The following NEIL1 variants were observed in gnomAD, a reference collection of about 807,000 sequenced individuals.
NEIL1 encodes nei like DNA glycosylase 1, also known as endonuclease 8-like 1.
NEIL1 carries 31 observed loss-of-function variants against 44.2 expected under a neutral mutation model. That is an observed-to-expected ratio of 0.70 (90% CI 0.53 to 0.95). The LOEUF (loss-of-function observed/expected upper bound fraction) is 0.95. Ranked by LOEUF, NEIL1 falls within the 40% of genes least tolerant of loss-of-function variation. The pLI, the probability that NEIL1 is intolerant of heterozygous loss-of-function variation, is 0.00. For synonymous variants in NEIL1, 254 were observed against 209.7 expected (o/e 1.21, Z -1.83); for missense variants, 549 against 515.5 (o/e 1.07, Z -0.63).
rs770915774 is a variant in NEIL1, at chr15:75,356,126, C to A, written c.*1092C>A. 6.2e-7 allele frequency: 1 copy of A among 1,613,680 alleles called. No individual in the cohort carries two copies. The highest frequency in any genetic ancestry group is 1.3e-5 in the African/African-American group (1 of 74,926). ...GCCACTCACAGGATGGCCTCCTGAA[C>A]CGGCAGCGACAAGTGCAGCCAGCAG... is the stretch of plus-strand genomic sequence containing the variant. On this transcript the variant is annotated 3_prime_UTR_variant, in exon 10 of 10. Transcript: ENST00000355059. This position sits in a 1 kb window ranked among gnomAD's most constrained non-coding sequence, Gnocchi z 5.8.
chr15:75,351,436 C>T, intron 2 of NEIL1: 2 of 356,832 alleles, frequency 5.6e-6, no homozygotes, highest in East Asian at 7.8e-5. Flanking sequence ...TCACTAAGCC[C>T]CTGGCTACTT....
intron 5 of NEIL1, chr15:75,353,077 GT>G (rs1432171829): frequency 4.8e-6 from 1 of 207,622 alleles, no homozygotes; most frequent in Non-Finnish European, 9.9e-6. Flanking sequence ...GGAGGTGGAG[GT>G]TGCAGTTGAG....
rs367645979 is a variant in NEIL1 at position 75,356,709 on chromosome 15, G to C, written c.*1675G>C. 6.2e-7 allele frequency: 1 copy of C among 1,610,640 alleles called. No individual in the cohort carries two copies. Among genetic ancestry groups the C allele is most frequent in the South Asian group, 1.1e-5 (1 of 90,748 alleles). ...AGCTGGGGTGAGGAGGGCGCGTAGG[G>C]GCCACGCTGAAGCTGTTGGAGTTGT... On this transcript the variant is annotated 3_prime_UTR_variant, in exon 10 of 10. Transcript: ENST00000355059. This position sits in a 1 kb window ranked among gnomAD's most constrained non-coding sequence, Gnocchi z 5.8.
At position 75,355,180 on chromosome 15, in the gene NEIL1, C is replaced by G. The variant is rs1200418233; in HGVS notation, c.*146C>G. ...CACAACTCTCATGGTTTTAATTGTA[C>G]CCCATCTTCCACATCTTTAAAGCTC... On this transcript the variant is annotated 3_prime_UTR_variant, in exon 10 of 10. Coordinates refer to ENST00000355059, the MANE Select transcript of NEIL1 (RefSeq NM_024608.4). 2 of 641,514 alleles carry G rather than the reference C, an allele frequency of 3.1e-6. No individual in the cohort carries two copies. Among genetic ancestry groups the G allele is most frequent in the African/African-American group, 3.7e-5 (2 of 54,434 alleles). The allele number at this position is 641,514 out of a possible 1,614,324, so 39.7% of individuals were successfully genotyped here.
At position 75,356,881 on chromosome 15, in the gene NEIL1, C is replaced by G; in HGVS notation, c.*1847C>G. The G allele has an allele frequency of 1.2e-6, 2 of 1,613,802 alleles. No individual in the cohort carries two copies. The highest frequency in any genetic ancestry group is 1.7e-6 in the Non-Finnish European group (2 of 1,179,734). ...AGCCCAAAGCCGTGTTCTGACAGAT[C>G]CATCCAGCGATGGGCCCACACCTGG... On this transcript the variant is annotated 3_prime_UTR_variant, in exon 10 of 10. Coordinates refer to ENST00000355059, the MANE Select transcript of NEIL1 (RefSeq NM_024608.4). The surrounding 1 kb of genome is among the most constrained non-coding windows in gnomAD (Gnocchi z 5.8).
At position 75,352,716 on chromosome 15, in the gene NEIL1, G is replaced by A. The variant is rs758396487; in HGVS notation, c.718+15G>A. On this transcript the variant is annotated intron_variant, in intron 5 of 9. Transcript: ENST00000355059. The stretch of plus-strand genomic sequence containing the variant: ...GGTCCAGTTGGGTGAGGCCAAAGAT[G>A]GCAGCAACCTCTGCTTCAGCAAATG... 1.8e-5 allele frequency: 28 copies of A among 1,591,618 alleles called. No individual in the cohort carries two copies. Among genetic ancestry groups the A allele is most frequent in the Non-Finnish European group, 2.2e-5 (26 of 1,164,618 alleles).
At position 75,349,033 on chromosome 15, in the gene NEIL1, G is replaced by T; in HGVS notation, c.128G>T (p.Ser43Ile). 1 of 1,613,756 alleles carries T rather than the reference G, an allele frequency of 6.2e-7. No homozygotes were observed. Among genetic ancestry groups the T allele is most frequent in the Non-Finnish European group, 8.5e-7 (1 of 1,180,018 alleles). The change falls in exon 2 of 10, where the codon AGT (serine) becomes ATT (isoleucine). Residue 43 changes from serine to isoleucine, a missense_variant. Physicochemically the swap from Ser to Ile is moderately radical, Grantham distance 142 (BLOSUM62 -2). Coordinates refer to ENST00000355059, the MANE Select transcript of NEIL1 (RefSeq NM_024608.4). Reference sequence around the variant, plus strand: ...AACCCTGAGGTGCCCTTTGAGAGCAGTGCCTACCGCATCTCAGCTTCAGCC... The same window carrying T: ...AACCCTGAGGTGCCCTTTGAGAGCATTGCCTACCGCATCTCAGCTTCAGCC... ...SRNPEVPFES[S>I]AYRISASARG... is the part of the protein sequence containing the mutation.
intron 2 of NEIL1, among the ~76,000 whole-genome samples, chr15:75,350,221 C>G (rs1488979225): frequency 2.0e-5 from 3 of 152,248 alleles, no homozygotes; most frequent in Admixed American, 6.5e-5. Flanking sequence ...TTCCTTTCCT[C>G]TGAAGAGGAA....
At chr15:75,347,987 C>T in intron 1 of NEIL1, 16 of 1,227,732 alleles carry the variant, frequency 1.3e-5, no homozygotes, top group Non-Finnish European at 1.7e-5. Flanking sequence ...TTCCGAACCG[C>T]CCGGGGACAG....
At position 75,355,854 on chromosome 15, in the gene NEIL1, G is replaced by A. The variant is rs1128995; in HGVS notation, c.*820G>A. On this transcript the variant is annotated 3_prime_UTR_variant, in exon 10 of 10. Transcript: ENST00000355059. ...ATCCCTGCTTTAGGCTGGGGAAGCA[G>A]AAATTAGGAGTCCCCAGAGCCTTCT... is the stretch of plus-strand genomic sequence containing the variant. 6.2e-7 allele frequency: 1 copy of A among 1,606,934 alleles called. No individual in the cohort carries two copies. Among genetic ancestry groups the A allele is most frequent in the Non-Finnish European group, 8.5e-7 (1 of 1,176,388 alleles).
chr15:75,348,036 C>G, intron 1 of NEIL1: 2 of 1,133,118 alleles, frequency 1.8e-6, no homozygotes, highest in Non-Finnish European at 2.2e-6. Flanking sequence ...GGTGAGGAGT[C>G]GATACCCCCC....
intron 2 of NEIL1, chr15:75,351,169 G>A (rs957891717): frequency 1.4e-5 from 6 of 436,628 alleles, no homozygotes; most frequent in African/African-American, 1.0e-4. Flanking sequence ...GCTATACAGG[G>A]AGCTCCAGAC....
chr15:75,355,284 G>A lies in NEIL1; in HGVS notation c.*250G>A, dbSNP rs1463733200. 2.5e-5 allele frequency: 12 copies of A among 478,326 alleles called. No homozygotes were observed. In the East Asian group the frequency reaches 2.8e-4, roughly 11 times the overall value. The allele number at this position is 478,326 out of a possible 1,614,324, so 29.6% of individuals were successfully genotyped here. On this transcript the variant is annotated 3_prime_UTR_variant, in exon 10 of 10. Coordinates refer to ENST00000355059, the MANE Select transcript of NEIL1 (RefSeq NM_024608.4). ...CTCTTGGTCTGAGATGGCCAGGTAG[G>A]AAGGGCCTGCTGTCCGGTCCTGGTG...
In NEIL1 at chr15:75,349,341, T is replaced by C. The variant is rs5745908; in HGVS notation, c.434+2T>C. ...CTTGCAGGAGTACCAGCAGTTCAGG[T>C]AGGGCCAGCACCAGGTGTGATGAAC... On this transcript the variant is annotated splice_donor_variant, in intron 2 of 9. Coordinates refer to ENST00000355059, the MANE Select transcript of NEIL1 (RefSeq NM_024608.4). LOFTEE classifies it high-confidence loss of function. 0.01 allele frequency: 16,580 copies of C among 1,600,384 alleles called. 113 individuals carry two copies. The highest frequency in any genetic ancestry group is 0.013 in the Non-Finnish European group (15,155 of 1,172,842).
chr15:75,353,142 C>CAAAAA, intron 5 of NEIL1: 1 of 94,868 alleles, frequency 1.1e-5, no homozygotes, highest in Admixed American at 1.1e-4. Context: ...AACTCCATCT[C>CAAAAA]AAAAAAAAAA....
chr15:75,356,598 G>C lies in NEIL1; in HGVS notation c.*1564G>C, dbSNP rs370645935. On this transcript the variant is annotated 3_prime_UTR_variant, in exon 10 of 10. Transcript: ENST00000355059. The surrounding 1 kb of genome is among the most constrained non-coding windows in gnomAD (Gnocchi z 5.8). ...CTGCAGGAAGGCCCCACCGTCCCCAGCACTCACCCTTGTGCGGCATCAGTG... is the reference window on the plus strand; with the variant it reads ...CTGCAGGAAGGCCCCACCGTCCCCACCACTCACCCTTGTGCGGCATCAGTG... 1 of 1,556,892 alleles carries C rather than the reference G, an allele frequency of 6.4e-7. No individual in the cohort carries two copies. The highest frequency in any genetic ancestry group is 8.7e-7 in the Non-Finnish European group (1 of 1,150,772).
In NEIL1 at chr15:75,352,684, AG is replaced by A. The variant is rs1490120178; in HGVS notation, c.703del (p.Glu235LysfsTer34). Reference protein sequence around the residue: ...DLLELCHSVPKEVVQLGGKGY... With the variant: ...DLLELCHSVPXEVVQLGGKGY... ...CTGGAGCTATGTCACTCAGTGCCCA[AG>A]GAAGTGGTCCAGTTGGGTGAGGCCA... On this transcript the variant is annotated frameshift_variant, in exon 5 of 10. Coordinates refer to ENST00000355059, the MANE Select transcript of NEIL1 (RefSeq NM_024608.4). LOFTEE classifies it high-confidence loss of function. 2 of 1,612,180 alleles carry A rather than the reference AG, an allele frequency of 1.2e-6. No homozygotes were observed. Among genetic ancestry groups the A allele is most frequent in the African/African-American group, 1.3e-5 (1 of 74,998 alleles).
In NEIL1 at chr15:75,352,149, A is replaced by T. The variant is rs776492874; in HGVS notation, c.473A>T (p.Asp158Val). 2.5e-6 allele frequency: 4 copies of T among 1,613,950 alleles called. No individual in the cohort carries two copies. Among genetic ancestry groups the T allele is most frequent in the Non-Finnish European group, 3.4e-6 (4 of 1,179,988 alleles). ...VLRNLADKAF[D>V]RPICEALLDQ... ...CGAAACCTAGCGGATAAGGCCTTTGACCGGCCCATCTGCGAGGCCCTCCTG... is the reference window on the plus strand; with the variant it reads ...CGAAACCTAGCGGATAAGGCCTTTGTCCGGCCCATCTGCGAGGCCCTCCTG... The change falls in exon 3 of 10, where the codon GAC becomes GTC. Residue 158 changes from aspartate to valine, a missense_variant. By Grantham distance (152) the Asp-to-Val change is radical. Transcript: ENST00000355059.
chr15:75,356,036 G>T lies in NEIL1; in HGVS notation c.*1002G>T. The T allele has an allele frequency of 6.2e-7, 1 of 1,613,924 alleles. No individual in the cohort carries two copies. The highest frequency in any genetic ancestry group is 8.5e-7 in the Non-Finnish European group (1 of 1,179,924). On this transcript the variant is annotated 3_prime_UTR_variant, in exon 10 of 10. Coordinates refer to ENST00000355059, the MANE Select transcript of NEIL1 (RefSeq NM_024608.4). This position sits in a 1 kb window ranked among gnomAD's most constrained non-coding sequence, Gnocchi z 5.8. Reference sequence around the variant, plus strand: ...TGGTCGCTCCAAGAGATCGCAGCTGGAGAACAGGAGGGGCCATGAAGGCTC... The same window carrying T: ...TGGTCGCTCCAAGAGATCGCAGCTGTAGAACAGGAGGGGCCATGAAGGCTC...
Sources: allele counts gnomAD v4.1 joint callset (sites outside exome capture counted in the v4.1 genomes callset), GRCh38; gene constraint gnomAD v4.1.1; non-coding constraint Gnocchi (gnomAD v3.1); transcripts MANE v1.5; gene names NCBI Gene and HGNC (gene_info 2026-07-23, HGNC 2026-07-21).